The following UBE2V2 variants were observed in gnomAD, a reference collection of about 807,000 sequenced individuals.
UBE2V2 encodes the protein ubiquitin-conjugating enzyme E2 variant 2.
Under a neutral mutation model 17.2 loss-of-function variants are expected in UBE2V2, and 9 were observed. The observed-to-expected ratio is 0.52, with a 90% CI of 0.32 to 0.91. The LOEUF is 0.91. UBE2V2 is among the 40% of genes least tolerant of loss of function. The probability of loss-of-function intolerance (pLI) is 0.04; values close to 1 mark genes in which losing one functional copy is unlikely to be tolerated. For missense variants in UBE2V2, 133 were observed against 182.6 expected (o/e 0.73, Z 1.56); for synonymous variants, 61 against 57.5 (o/e 1.06, Z -0.28).
At chr8:48,024,422 C>A (rs2091325559) in intron 1 of UBE2V2, among the ~76,000 whole-genome samples, 1 of 151,892 alleles carries the variant, frequency 6.6e-6, no homozygotes, top group Non-Finnish European at 1.5e-5. Context: ...ATGGAGAAAC[C>A]CCGTCTCTAC....
chr8:48,038,722 C>T (rs916211750), intron 1 of UBE2V2, among the ~76,000 whole-genome samples: 2 of 151,914 alleles, frequency 1.3e-5, no homozygotes, highest in Non-Finnish European at 2.9e-5. Context: ...CTCAAATGAT[C>T]CGCCTGCCTC....
At chr8:48,034,210 C>T (rs1173441074) in intron 1 of UBE2V2, among the ~76,000 whole-genome samples, 1 of 151,434 alleles carries the variant, frequency 6.6e-6, no homozygotes, top group African/African-American at 2.4e-5. Flanking sequence ...CATCCTCCAC[C>T]TCCTGGGTTA....
chr8:48,054,221 G>A (rs1367636507), intron 3 of UBE2V2, among the ~76,000 whole-genome samples: 1 of 152,186 alleles, frequency 6.6e-6, no homozygotes, highest in African/African-American at 2.4e-5. Flanking sequence ...AATTCAGTTC[G>A]TGGCCTGCCC....
chr8:48,034,486 C>G (rs1298830025), intron 1 of UBE2V2, among the ~76,000 whole-genome samples: 1 of 151,956 alleles, frequency 6.6e-6, no homozygotes, highest in Non-Finnish European at 1.5e-5. Flanking sequence ...TGTAGTTTGT[C>G]TTTGGATCCA....
At chr8:48,046,369 C>T (rs556605506) in intron 2 of UBE2V2, among the ~76,000 whole-genome samples, 15 of 152,246 alleles carry the variant, frequency 9.9e-5, no homozygotes, top group South Asian at 2.1e-4. Flanking sequence ...CCACCCGCCT[C>T]GGCCTCCCAA....
At chr8:47,997,583 C>G in the UBE2V2 span, among the ~76,000 whole-genome samples, 1 of 151,954 alleles carries the variant, frequency 6.6e-6, no homozygotes, top group African/African-American at 2.4e-5. Context: ...TATTTAAATT[C>G]TTTCATATAA....
intron 3 of UBE2V2, among the ~76,000 whole-genome samples, chr8:48,050,735 A>G (rs2091531442): frequency 6.6e-6 from 1 of 151,362 alleles, no homozygotes; most frequent in Non-Finnish European, 1.5e-5. Context: ...TTTGAATGTT[A>G]CTTTTCTGAG....
chr8:48,019,875 G>C (rs1268410210), intron 1 of UBE2V2, among the ~76,000 whole-genome samples: 2 of 152,174 alleles, frequency 1.3e-5, no homozygotes, highest in Non-Finnish European at 2.9e-5. Context: ...GGAGGCTGAG[G>C]CAGGATAATT....
upstream of UBE2V2, among the ~76,000 whole-genome samples, chr8:48,006,648 A>G (rs2154506455): frequency 6.6e-6 from 1 of 152,294 alleles, no homozygotes; most frequent in Non-Finnish European, 1.5e-5. Context: ...ATGCAAATCA[A>G]TAAATGTAAT....
At chr8:48,013,368 C>T (rs558808450) in intron 1 of UBE2V2, among the ~76,000 whole-genome samples, 5 of 149,838 alleles carry the variant, frequency 3.3e-5, no homozygotes, top group South Asian at 2.1e-4. Context: ...AGTGCAGTGG[C>T]GTGATCTTGG....
At chr8:48,013,626 A>G (rs1026002309) in intron 1 of UBE2V2, among the ~76,000 whole-genome samples, 2 of 152,168 alleles carry the variant, frequency 1.3e-5, no homozygotes, top group Non-Finnish European at 2.9e-5. Context: ...AACGTTTTAC[A>G]TTTATCACTT....
At chr8:48,020,452 C>G (rs1278584090) in intron 1 of UBE2V2, among the ~76,000 whole-genome samples, 1 of 152,104 alleles carries the variant, frequency 6.6e-6, no homozygotes. Context: ...TTTAACCATT[C>G]AGTCACTCTA....
At chr8:48,022,406 G>A (rs1012359399) in intron 1 of UBE2V2, among the ~76,000 whole-genome samples, 1 of 152,044 alleles carries the variant, frequency 6.6e-6, no homozygotes, top group Non-Finnish European at 1.5e-5. Flanking sequence ...AAAGTGCTGG[G>A]ATTACAGGCA....
At chr8:48,031,122 G>A (rs1378400665) in intron 1 of UBE2V2, among the ~76,000 whole-genome samples, 3 of 151,902 alleles carry the variant, frequency 2.0e-5, no homozygotes, top group Non-Finnish European at 2.9e-5. Flanking sequence ...GCCAGGAGAA[G>A]CACTTGAACC....
chr8:48,039,906 T>G (rs906342231), intron 1 of UBE2V2, among the ~76,000 whole-genome samples: 1 of 152,102 alleles, frequency 6.6e-6, no homozygotes, highest in East Asian at 1.9e-4. Context: ...ATTTTTGTAT[T>G]TTTTGTAGAG....
At chr8:48,014,894 C>CA (rs1563848573) in intron 1 of UBE2V2, among the ~76,000 whole-genome samples, 1 of 150,464 alleles carries the variant, frequency 6.6e-6, no homozygotes, top group Non-Finnish European at 1.5e-5. Flanking sequence ...ACCAAAAATA[C>CA]AAAAAACTAG....
chr8:48,055,233 C>T lies in UBE2V2; in HGVS notation c.291+5255C>T, dbSNP rs1341154061. Among the ~76,000 whole-genome samples, 3 of 140,454 alleles carry T rather than the reference C, an allele frequency of 2.1e-5. No individual in the cohort carries two copies. In the East Asian group the frequency reaches 6.2e-4, roughly 29 times the overall value. The allele number at this position is 140,454 out of a possible 152,430, so 92.1% of individuals were successfully genotyped here. On this transcript the variant is annotated intron_variant, in intron 3 of 3. Coordinates refer to ENST00000523111, the MANE Select transcript of UBE2V2 (RefSeq NM_003350.3). ...TTTTTTTTTGAGACGGAGTTTCGCT[C>T]TTATTGCCCAGGGTAGAGTGCAATG...
intron 3 of UBE2V2, among the ~76,000 whole-genome samples, chr8:48,056,707 C>T (rs1001676666): frequency 7.9e-5 from 12 of 151,384 alleles, no homozygotes; most frequent in South Asian, 4.2e-4. Flanking sequence ...TTCTGGACTA[C>T]CGTAGCTTTG....
chr8:48,061,143 G>A lies in UBE2V2; in HGVS notation c.*315G>A, dbSNP rs1381429363. The A allele has an allele frequency of 1.1e-5, 2 of 178,280 alleles. No individual in the cohort carries two copies. The highest frequency in any genetic ancestry group is 4.7e-5 in the African/African-American group (2 of 42,576). 11.0% of individuals were successfully genotyped at this position (178,280 alleles called of 1,614,324 possible). The stretch of plus-strand genomic sequence containing the variant: ...GTGTCAGATGGCAGTGGAAGCATGT[G>A]TGTTTCTAAAAAGTAAAAATCTCAA... On this transcript the variant is annotated 3_prime_UTR_variant, in exon 4 of 4. Transcript: ENST00000523111.
Sources: gnomAD v4.1 joint callset for allele counts (sites outside exome capture counted in the v4.1 genomes callset) on GRCh38, gnomAD v4.1.1 for gene constraint, MANE v1.5 for transcripts, NCBI Gene and HGNC (gene_info 2026-07-23, HGNC 2026-07-21) for gene names.